The following THBS3 variants were observed in gnomAD, a reference collection of about 807,000 sequenced individuals.
THBS3 encodes the protein thrombospondin 3.
A neutral mutation model predicts 118.3 loss-of-function variants in THBS3; 78 were observed. The observed-to-expected ratio is 0.66, with a 90% CI of 0.55 to 0.80. The LOEUF (loss-of-function observed/expected upper bound fraction) is 0.80, where lower values mean the gene tolerates loss of function less well. Among genes scored for constraint, THBS3 ranks in the 30% least tolerant of loss-of-function variants. The pLI, the probability that THBS3 is intolerant of heterozygous loss-of-function variation, is 0.00. For missense variants in THBS3, 1,057 were observed against 1,247.4 expected, an observed-to-expected ratio of 0.85 and a Z score of 2.30; for synonymous variants, 427 against 475.3, an observed-to-expected ratio of 0.90 and a Z score of 1.32.
Position 155,197,303 on chromosome 1 carries a change from C to A in THBS3, c.2500-90G>T. 6.4e-7 allele frequency: 1 copy of A among 1,551,648 alleles called. No individual in the cohort carries two copies. The highest frequency in any genetic ancestry group is 1.2e-5 in the South Asian group (1 of 85,056). On this transcript the variant is annotated intron_variant, in intron 20 of 22. Transcript: ENST00000368378. This position sits in a 1 kb window ranked among gnomAD's most constrained non-coding sequence, Gnocchi z 5.0. ...GGTAAGTGCAGGTGGGAAAGGGATT[C>A]AAGGCGGTCATGAAAATGCCCTGGG...
chr1:155,195,808 A>G lies in THBS3; in HGVS notation c.*33T>C, dbSNP rs747730481. ...ATGGACCCCAAGGCCAAAGGGTCTA[A>G]AATTCTGAATTCTGAATCTGGTGGC... On this transcript the variant is annotated 3_prime_UTR_variant, in exon 23 of 23. Coordinates refer to ENST00000368378, the MANE Select transcript of THBS3 (RefSeq NM_007112.5). The G allele has an allele frequency of 6.2e-7, 1 of 1,611,836 alleles. No individual in the cohort carries two copies. Among genetic ancestry groups the G allele is most frequent in the Non-Finnish European group, 8.5e-7 (1 of 1,179,854 alleles).
At position 155,202,724 on chromosome 1, in the gene THBS3, C is replaced by T. The variant is rs1038500236; in HGVS notation, c.957+88G>A. Reference sequence around the variant, plus strand: ...TCCTAAACTCCAGATTCCTCTCCTCCGGACCAGCATTTATCCCACCCTCTT... The same window carrying T: ...TCCTAAACTCCAGATTCCTCTCCTCTGGACCAGCATTTATCCCACCCTCTT... On this transcript the variant is annotated intron_variant, in intron 8 of 22. Transcript: ENST00000368378. This position sits in a 1 kb window ranked among gnomAD's most constrained non-coding sequence, Gnocchi z 5.5. The T allele has an allele frequency of 3.1e-4, 472 of 1,514,500 alleles. 1 individual carries two copies. The highest frequency in any genetic ancestry group is 5.4e-4 in the East Asian group (24 of 44,090). 93.8% of individuals were successfully genotyped at this position (1,514,500 alleles called of 1,614,324 possible).
chr1:155,205,183 AT>A lies in THBS3; in HGVS notation c.419del (p.His140LeufsTer39). 6.2e-7 allele frequency: 1 copy of A among 1,614,184 alleles called. No homozygotes were observed. Reference sequence around the variant, plus strand: ...CACCCAGTTTGCAGTCCACGTAGAGATGTAGGGCAGGGCTGGGTCTGGAGGG... The same window carrying A: ...CACCCAGTTTGCAGTCCACGTAGAGAGTAGGGCAGGGCTGGGTCTGGAGGG... ...RGPSRPSPAL[H>X]LYVDCKLGDQ... On this transcript the variant is annotated frameshift_variant, in exon 3 of 23. Coordinates refer to ENST00000368378, the MANE Select transcript of THBS3 (RefSeq NM_007112.5). LOFTEE classifies it high-confidence loss of function.
chr1:155,200,861 G>A (rs1479936197), intron 13 of THBS3, 36 bp downstream of exon 13: 3 of 1,613,948 alleles, frequency 1.9e-6, no homozygotes, highest in Non-Finnish European at 2.5e-6. Context: ...GAGGAGGGGA[G>A]AGGAGCTTCA....
chr1:155,207,959 C>T (rs1266876180), upstream of THBS3: 6 of 1,271,956 alleles, frequency 4.7e-6, no homozygotes, highest in Admixed American at 9.0e-5. Context: ...AGCCGGGGGG[C>T]GGAGGGACAG....
rs912251491 is a variant in THBS3 at position 155,195,962 on chromosome 1, G to A, written c.2812+25C>T. On this transcript the variant is annotated intron_variant, in intron 22 of 22. Transcript: ENST00000368378. ...CTCTCCCACAAGGCATGAAGGATTA[G>A]GTTGATCTCAATCAGCCACCTCACC... The A allele has an allele frequency of 1.9e-6, 3 of 1,614,082 alleles. No homozygotes were observed. In the African/African-American group the frequency reaches 4.0e-5, roughly 22 times the overall value.
Position 155,199,871 on chromosome 1 carries a change from C to T in THBS3, c.1828-15G>A, listed in dbSNP as rs1203767288. 1.2e-6 allele frequency: 2 copies of T among 1,614,180 alleles called. No homozygotes were observed. The highest frequency in any genetic ancestry group is 3.3e-5 in the Admixed American group (2 of 60,016). Reference sequence around the variant, plus strand: ...TCTGCATCTGTCTGAGAGAGAGGGACCTGTTCTCACCATCTCCTCTTGATA... The same window carrying T: ...TCTGCATCTGTCTGAGAGAGAGGGATCTGTTCTCACCATCTCCTCTTGATA... On this transcript the variant is annotated splice_polypyrimidine_tract_variant and intron_variant, in intron 15 of 22. Coordinates refer to ENST00000368378, the MANE Select transcript of THBS3 (RefSeq NM_007112.5).
rs1355720789 is a variant in THBS3 at position 155,196,053 on chromosome 1, GC to G, written c.2745del (p.Arg916ValfsTer12). 2 of 1,613,992 alleles carry G rather than the reference GC, an allele frequency of 1.2e-6. No individual in the cohort carries two copies. The highest frequency in any genetic ancestry group is 8.5e-7 in the Non-Finnish European group (1 of 1,180,030). On this transcript the variant is annotated frameshift_variant, in exon 22 of 23. Coordinates refer to ENST00000368378, the MANE Select transcript of THBS3 (RefSeq NM_007112.5). LOFTEE classifies it high-confidence loss of function. The part of the protein sequence containing the change: ...GVIIDTSMRG[G>X]RLGVFCFSQE... ...TGGGAGAAGCAGAATACACCAAGAC[GC>G]CCCCCTCGCATGGATGTGTCAATGA...
Position 155,201,606 on chromosome 1 carries a change from G to A in THBS3, c.1177-37C>T, listed in dbSNP as rs777238036. 9.4e-6 allele frequency: 15 copies of A among 1,598,922 alleles called. No individual in the cohort carries two copies. The South Asian group carries it at 1.5e-4, about 15-fold the overall frequency. ...GAGGCAGCATCTTAGGAAGGAGGGT[G>A]AGCCCACCAGGCACCCAGGACCAGC... On this transcript the variant is annotated intron_variant, in intron 10 of 22. Coordinates refer to ENST00000368378, the MANE Select transcript of THBS3 (RefSeq NM_007112.5).
chr1:155,205,177 G>A lies in THBS3; in HGVS notation c.426C>T (p.Tyr142=), dbSNP rs961573497. The change falls in exon 3 of 23, where the codon TAC becomes TAT. Residue 142 remains tyrosine, a synonymous_variant. Transcript: ENST00000368378. ...GTTGGTCACCCAGTTTGCAGTCCACGTAGAGATGTAGGGCAGGGCTGGGTC... is the reference window on the plus strand; with the variant it reads ...GTTGGTCACCCAGTTTGCAGTCCACATAGAGATGTAGGGCAGGGCTGGGTC... The part of the protein sequence containing the change: ...PSRPSPALHL[Y]VDCKLGDQHA... 4.7e-5 allele frequency: 76 copies of A among 1,614,114 alleles called. No individual in the cohort carries two copies. The highest frequency in any genetic ancestry group is 5.4e-5 in the Non-Finnish European group (64 of 1,180,056).
In THBS3 at chr1:155,198,173, C is replaced by T. The variant is rs1386940469; in HGVS notation, c.2122G>A (p.Val708Met). ...GGACACACATCCAGGGGGTCGACCA[C>T]AGCATCATTGTCAAAGTCATCCTCA... ...VCEDDFDNDA[V>M]VDPLDVCPES... is the part of the protein sequence containing the mutation. Residue 708 changes from valine (V) to methionine (M), a missense_variant, in exon 18 of 23, where the codon GTG (valine) becomes ATG (methionine). Physicochemically the swap from Val to Met is conservative, Grantham distance 21. This residue lies in a region of THBS3 where 307 missense variants were observed against 326.1 expected (regional missense o/e 0.94). Transcript: ENST00000368378. 1.9e-6 allele frequency: 3 copies of T among 1,614,200 alleles called. No homozygotes were observed. The highest frequency in any genetic ancestry group is 2.2e-5 in the South Asian group (2 of 91,090).
chr1:155,196,097 A>T lies in THBS3; in HGVS notation c.2702T>A (p.Val901Glu), dbSNP rs758171824. 3.1e-6 allele frequency: 5 copies of T among 1,614,132 alleles called. No homozygotes were observed. In the South Asian group the frequency reaches 5.5e-5, roughly 18 times the overall value. The part of the protein sequence containing the change: ...RVKLYEGPQL[V>E]ADSGVIIDTS... ...GTCAATGATCACCCCAGAATCCGCC[A>T]CAAGCTGGGGTCCCTCATAGAGCTT... Residue 901 changes from valine (V) to glutamate (E), a missense_variant, in exon 22 of 23, where the codon GTG becomes GAG. Physicochemically the swap from Val to Glu is moderately radical, Grantham distance 121 (BLOSUM62 -2). Coordinates refer to ENST00000368378, the MANE Select transcript of THBS3 (RefSeq NM_007112.5).
chr1:155,207,960 G>A (rs1225125849), upstream of THBS3: 5 of 1,265,164 alleles, frequency 4.0e-6, no homozygotes, highest in East Asian at 3.0e-5. Flanking sequence ...GCCGGGGGGC[G>A]GAGGGACAGA....
intron 13 of THBS3, 85 bp downstream of exon 13, chr1:155,200,812 G>GATGAGGT: frequency 6.2e-7 from 1 of 1,610,068 alleles, no homozygotes; most frequent in Non-Finnish European, 8.5e-7. Flanking sequence ...CCTTACTAGA[G>GATGAGGT]AGCTGCCAGA....
chr1:155,208,820 C>A (rs748289669), upstream of THBS3: 4 of 1,553,666 alleles, frequency 2.6e-6, no homozygotes, highest in South Asian at 2.3e-5. Flanking sequence ...GCTCGGGGGA[C>A]CCCCCCGCAG....
chr1:155,201,635 G>C, intron 10 of THBS3, 66 bp from the exon 11 acceptor site: 1 of 1,540,780 alleles, frequency 6.5e-7, no homozygotes, highest in Non-Finnish European at 8.9e-7. Flanking sequence ...GACCAGCACT[G>C]CTCCACCTGC....
In THBS3 at chr1:155,203,289, C is replaced by G; in HGVS notation, c.690G>C (p.Ala230=). Residue 230 remains alanine, a synonymous_variant, in exon 6 of 23, where the codon GCG becomes GCC. Transcript: ENST00000368378. ...LHSILGEQTK[A]LVTQLTLFNQ... ...TGAAGAGGGTGAGTTGGGTGACCAG[C>G]GCCTTGGTCTGCTCCCCTGTCGGGA... 6.2e-7 allele frequency: 1 copy of G among 1,614,050 alleles called. No homozygotes were observed. The highest frequency in any genetic ancestry group is 8.5e-7 in the Non-Finnish European group (1 of 1,180,004).
rs1394354319 is a variant in THBS3, at chr1:155,205,108, G to A, written c.495C>T (p.Val165=). ...GTCCAGTCCTAATCTCCAGCCCATC[G>A]ACCTCCGCTGGAGGAATGGGGGCCA... ...PALAPIPPAE[V]DGLEIRTGQK... Residue 165 remains valine (V), a synonymous_variant, in exon 3 of 23, where the codon GTC becomes GTT. Coordinates refer to ENST00000368378, the MANE Select transcript of THBS3 (RefSeq NM_007112.5). The A allele has an allele frequency of 9.3e-6, 15 of 1,613,966 alleles. No homozygotes were observed. The African/African-American group carries it at 1.2e-4, about 13-fold the overall frequency.
Position 155,197,805 on chromosome 1 carries a change from T to A in THBS3, c.2302+75A>T. 1 of 1,606,524 alleles carries A rather than the reference T, an allele frequency of 6.2e-7. No individual in the cohort carries two copies. The highest frequency in any genetic ancestry group is 8.5e-7 in the Non-Finnish European group (1 of 1,173,658). Reference sequence around the variant, plus strand: ...CGCCACTTTGCCCATTCTCCCTGTCTGTTTCCTCCCCTACCCTCTGCCCCT... The same window carrying A: ...CGCCACTTTGCCCATTCTCCCTGTCAGTTTCCTCCCCTACCCTCTGCCCCT... On this transcript the variant is annotated intron_variant, in intron 19 of 22. Transcript: ENST00000368378. This position sits in a 1 kb window ranked among gnomAD's most constrained non-coding sequence, Gnocchi z 5.0.
Sources: allele counts gnomAD v4.1 joint callset, GRCh38; gene constraint gnomAD v4.1.1; regional missense constraint gnomAD v4.1.1; non-coding constraint Gnocchi (gnomAD v3.1); transcripts MANE v1.5; gene names NCBI Gene and HGNC (gene_info 2026-07-23, HGNC 2026-07-21).